SLC35D4: variants seen among roughly 807,000 people sequenced by gnomAD.
SLC35D4 encodes the protein UDP-N-acetylglucosamine transporter SLC35D4.
chr18:23,309,849 C>A, the SLC35D4 span: 1 of 1,090,622 alleles, frequency 9.2e-7, no homozygotes, highest in South Asian at 1.3e-5. Context: ...GGATGCCTGC[C>A]ATCAGGCACT....
the SLC35D4 span, among the ~76,000 whole-genome samples, chr18:23,376,511 C>T: frequency 6.6e-6 from 1 of 152,218 alleles, no homozygotes; most frequent in East Asian, 1.9e-4. Flanking sequence ...GGCACCCCAA[C>T]ACACAAATGA....
the SLC35D4 span, among the ~76,000 whole-genome samples, chr18:23,432,724 A>T: frequency 6.6e-6 from 1 of 150,956 alleles, no homozygotes; most frequent in Admixed American, 6.6e-5. Context: ...TTTGGGAGCC[A>T]TTGACGCCTG....
the SLC35D4 span, among the ~76,000 whole-genome samples, chr18:23,254,587 A>G: frequency 6.6e-6 from 1 of 152,190 alleles, no homozygotes; most frequent in African/African-American, 2.4e-5. Context: ...CATAGGCTGG[A>G]TGGCTGAAAT....
chr18:23,258,129 T>A, the SLC35D4 span: 1 of 152,400 alleles, frequency 6.6e-6, no homozygotes, highest in African/African-American at 2.4e-5. Context: ...TTCTGAGTGT[T>A]GGATGAGTCA....
the SLC35D4 span, among the ~76,000 whole-genome samples, chr18:23,363,950 A>C: frequency 1.3e-5 from 2 of 152,222 alleles, no homozygotes; most frequent in African/African-American, 4.8e-5. Context: ...GCAGGCAGAC[A>C]ATAGGAACTG....
chr18:23,253,020 AAGG>A, the SLC35D4 span: 1 of 1,613,886 alleles, frequency 6.2e-7, no homozygotes, highest in Non-Finnish European at 8.5e-7. Flanking sequence ...CGAGACCTTC[AAGG>A]AGAAGTTTCC....
At chr18:23,265,767 C>G in the SLC35D4 span, among the ~76,000 whole-genome samples, 1 of 152,056 alleles carries the variant, frequency 6.6e-6, no homozygotes, top group African/African-American at 2.4e-5. Context: ...TCTCTCTCCC[C>G]ACTGGAGAGG....
chr18:23,354,129 C>T, the SLC35D4 span, among the ~76,000 whole-genome samples: 1 of 152,090 alleles, frequency 6.6e-6, no homozygotes, highest in African/African-American at 2.4e-5. Context: ...GAGCTCCAAA[C>T]TCTTCCTGGC....
At chr18:23,365,688 G>A in the SLC35D4 span, 1 of 1,612,812 alleles carries the variant, frequency 6.2e-7, no homozygotes, top group East Asian at 2.2e-5. Flanking sequence ...AGACAGCAAA[G>A]TAGTCAAGAA....
the SLC35D4 span, among the ~76,000 whole-genome samples, chr18:23,298,310 G>A: frequency 1.2e-4 from 19 of 152,324 alleles, no homozygotes; most frequent in African/African-American, 4.6e-4. Flanking sequence ...TGGGGAAGAA[G>A]GTGAAGCGTC....
At chr18:23,433,219 C>A in the SLC35D4 span, among the ~76,000 whole-genome samples, 19 of 151,882 alleles carry the variant, frequency 1.3e-4, no homozygotes, top group Non-Finnish European at 1.2e-4. Flanking sequence ...ACCACCATGC[C>A]CAGCTAATTT....
chr18:23,388,496 A>G, the SLC35D4 span, among the ~76,000 whole-genome samples: 2 of 152,240 alleles, frequency 1.3e-5, no homozygotes, highest in Non-Finnish European at 2.9e-5. Context: ...CCTGTCTAAC[A>G]GCAAAGCCCA....
the SLC35D4 span, chr18:23,371,548 CT>C: frequency 8.2e-7 from 1 of 1,226,856 alleles, no homozygotes; most frequent in East Asian, 2.5e-5. Flanking sequence ...ATCAGAAAAC[CT>C]GTCATCAATG....
the SLC35D4 span, among the ~76,000 whole-genome samples, chr18:23,376,217 A>G: frequency 6.6e-6 from 1 of 152,200 alleles, no homozygotes; most frequent in South Asian, 2.1e-4. Context: ...ACATAAACAT[A>G]TATATCTAAC....
the SLC35D4 span, among the ~76,000 whole-genome samples, chr18:23,314,234 C>T: frequency 7.9e-5 from 12 of 152,228 alleles, no homozygotes; most frequent in South Asian, 1.0e-3. Context: ...TTCAGAAATG[C>T]GTGCAAAAGG....
At chr18:23,424,780 G>A in the SLC35D4 span, among the ~76,000 whole-genome samples, 3 of 152,282 alleles carry the variant, frequency 2.0e-5, no homozygotes, top group East Asian at 5.8e-4. Context: ...GAGGCCAGGA[G>A]TTCAAAGCTG....
At chr18:23,421,476 T>C in the SLC35D4 span, 2 of 1,607,542 alleles carry the variant, frequency 1.2e-6, no homozygotes, top group Non-Finnish European at 1.7e-6. Context: ...GTGAATTTCA[T>C]AGAGTGCTAC....
At chr18:23,437,478 G>C in the SLC35D4 span, among the ~76,000 whole-genome samples, 4 of 152,038 alleles carry the variant, frequency 2.6e-5, no homozygotes, top group African/African-American at 9.7e-5. Context: ...GGAGCCAATT[G>C]CTTGCTTTCT....
the SLC35D4 span, among the ~76,000 whole-genome samples, chr18:23,250,583 G>A: frequency 6.6e-6 from 1 of 152,194 alleles, no homozygotes; most frequent in Admixed American, 6.5e-5. Flanking sequence ...GTCTTGGAGG[G>A]CTGCCACAGG....
Sources: allele counts gnomAD v4.1 joint callset (sites outside exome capture counted in the v4.1 genomes callset), GRCh38; gene constraint gnomAD v4.1.1; transcripts MANE v1.5; gene names NCBI Gene and HGNC (gene_info 2026-07-23, HGNC 2026-07-21).